PCDH9: variants seen among roughly 807,000 people sequenced by gnomAD.
The protein encoded by PCDH9 is protocadherin-9.
In PCDH9, 24 loss-of-function variants were observed where a neutral mutation model predicts 70.6. The observed-to-expected ratio is 0.34, with a 90% CI of 0.25 to 0.48. PCDH9 has a LOEUF of 0.48. Among genes scored for constraint, PCDH9 ranks in the 20% least tolerant of loss-of-function variants. The probability of loss-of-function intolerance (pLI) is 0.99; values close to 1 mark genes in which losing one functional copy is unlikely to be tolerated. For synonymous variants in PCDH9, 562 were observed against 558.5 expected, an observed-to-expected ratio of 1.01 and a Z score of -0.09; for missense variants, 1,281 against 1,503.6, an observed-to-expected ratio of 0.85 and a Z score of 2.45.
chr13:66,995,470 G>C (rs1197583632), intron 2 of PCDH9, among the ~76,000 whole-genome samples: 3 of 151,692 alleles, frequency 2.0e-5, no homozygotes, highest in South Asian at 2.1e-4. Flanking sequence ...ACCACTAAGG[G>C]AAAAAAACAA....
chr13:66,478,742 A>T lies in PCDH9; in HGVS notation c.3340+152468T>A, dbSNP rs1231156228. On this transcript the variant is annotated intron_variant, in intron 4 of 4. Transcript: ENST00000377865. ...CGCAAAAGAAAAATTTGAAGCTAGCAAGTATTTGCTCATGAGATTTAAGGA... is the reference window on the plus strand; with the variant it reads ...CGCAAAAGAAAAATTTGAAGCTAGCTAGTATTTGCTCATGAGATTTAAGGA... 8.5e-5 allele frequency among the ~76,000 whole-genome samples: 13 copies of T among 152,204 alleles called. 1 individual carries two copies. Among genetic ancestry groups the T allele is most frequent in the Admixed American group, 8.5e-4 (13 of 15,284 alleles).
Position 66,990,199 on chromosome 13 carries a change from C to CTTGT in PCDH9, c.3037-86598_3037-86595dup, listed in dbSNP as rs2083973342. On this transcript the variant is annotated intron_variant, in intron 2 of 4. Transcript: ENST00000377865. ...AACTGGATGAAGCCTAAATAATCAT[C>CTTGT]TTGTATGTCTTTATATCTTGAGTGC... 2.6e-5 allele frequency among the ~76,000 whole-genome samples: 4 copies of CTTGT among 151,800 alleles called. No homozygotes were observed. In the South Asian group the frequency reaches 8.3e-4, roughly 31 times the overall value.
intron 2 of PCDH9, among the ~76,000 whole-genome samples, chr13:67,170,350 G>A (rs2088245232): frequency 6.6e-6 from 1 of 152,112 alleles, no homozygotes; most frequent in South Asian, 2.1e-4. Flanking sequence ...TTCTAACACT[G>A]AGAAATACAT....
At chr13:66,551,547 T>C (rs559584245) in intron 4 of PCDH9, among the ~76,000 whole-genome samples, 1 of 152,282 alleles carries the variant, frequency 6.6e-6, no homozygotes, top group South Asian at 2.1e-4. Context: ...TTTTTTAAAT[T>C]CTCCATATAC....
chr13:66,722,617 T>C (rs904487697), intron 3 of PCDH9, among the ~76,000 whole-genome samples: 2 of 152,050 alleles, frequency 1.3e-5, no homozygotes, highest in Non-Finnish European at 2.9e-5. Context: ...GAATGTGTGA[T>C]TAGTGGGGTA....
At chr13:67,106,626 G>A (rs1185873786) in intron 2 of PCDH9, among the ~76,000 whole-genome samples, 3 of 152,190 alleles carry the variant, frequency 2.0e-5, no homozygotes, top group East Asian at 3.9e-4. Flanking sequence ...TTTGCACTCC[G>A]TGGAGCTAAT....
chr13:66,672,972 T>C, intron 3 of PCDH9, among the ~76,000 whole-genome samples: 1 of 152,160 alleles, frequency 6.6e-6, no homozygotes, highest in Admixed American at 6.5e-5. Flanking sequence ...AATTAAGACT[T>C]TGGACTGTGG....
chr13:66,776,812 G>A lies in PCDH9; in HGVS notation c.3138+126692C>T, dbSNP rs918819043. Among the ~76,000 whole-genome samples, 26 of 142,168 alleles carry A rather than the reference G, an allele frequency of 1.8e-4. No homozygotes were observed. The East Asian group carries it at 2.3e-3, about 12-fold the overall frequency. 93.3% of individuals were successfully genotyped at this position (142,168 alleles called of 152,430 possible). On this transcript the variant is annotated intron_variant, in intron 3 of 4. Transcript: ENST00000377865. ...TTCATATGGAACCAAAAAAGAGCCC[G>A]CATCACCAAGTCAATCCTAAGCCAA...
chr13:66,480,035 C>T (rs568136220), intron 4 of PCDH9, among the ~76,000 whole-genome samples: 6 of 152,298 alleles, frequency 3.9e-5, no homozygotes, highest in South Asian at 2.1e-4. Flanking sequence ...CTGAAACACT[C>T]GCCACGAAGG....
chr13:66,442,663 GT>G (rs1566328410), intron 4 of PCDH9, among the ~76,000 whole-genome samples: 1 of 26,830 alleles, frequency 3.7e-5, no homozygotes, highest in Non-Finnish European at 3.0e-4. Context: ...CCTCCAGTTT[GT>G]TGTTTTTTTT....
At chr13:66,512,249 T>C (rs1959511185) in intron 4 of PCDH9, among the ~76,000 whole-genome samples, 1 of 149,486 alleles carries the variant, frequency 6.7e-6, no homozygotes, top group Admixed American at 6.7e-5. Flanking sequence ...AAAATTAATA[T>C]ATCTAACAAA....
chr13:66,602,223 AT>A lies in PCDH9; in HGVS notation c.3340+28986del, dbSNP rs891562297. ...AAAATAAATCACACACACAAAAAAAATCTCATCATGTTTTAAGAAAGTTTAT... is the reference window on the plus strand; with the variant it reads ...AAAATAAATCACACACACAAAAAAAACTCATCATGTTTTAAGAAAGTTTAT... On this transcript the variant is annotated intron_variant, in intron 4 of 4. Transcript: ENST00000377865. 2.5e-4 allele frequency among the ~76,000 whole-genome samples: 36 copies of A among 146,490 alleles called. 2 individuals carry two copies. Among genetic ancestry groups the A allele is most frequent in the African/African-American group, 8.1e-4 (33 of 40,704 alleles).
At chr13:66,756,857 C>A (rs2079545054) in intron 3 of PCDH9, among the ~76,000 whole-genome samples, 1 of 152,004 alleles carries the variant, frequency 6.6e-6, no homozygotes. Flanking sequence ...TTTTTTGAGA[C>A]AGAGTCCTAG....
intron 2 of PCDH9, among the ~76,000 whole-genome samples, chr13:66,980,561 G>T (rs1037970358): frequency 6.6e-6 from 1 of 151,744 alleles, no homozygotes; most frequent in African/African-American, 2.4e-5. Context: ...TTCTTGATTT[G>T]ATATAAAATT....
chr13:66,538,026 T>C (rs552022727), intron 4 of PCDH9, among the ~76,000 whole-genome samples: 20 of 152,276 alleles, frequency 1.3e-4, no homozygotes, highest in South Asian at 4.2e-4. Flanking sequence ...AGGTAAAATA[T>C]GTTTTTCTTT....
chr13:66,990,047 T>A (rs1440487136), intron 2 of PCDH9, among the ~76,000 whole-genome samples: 1 of 151,884 alleles, frequency 6.6e-6, no homozygotes, highest in Non-Finnish European at 1.5e-5. Flanking sequence ...AACAAAGATA[T>A]TTAAGATGGA....
In PCDH9 at chr13:66,957,863, T is replaced by C. The variant is rs1213372077; in HGVS notation, c.3037-54258A>G. Among the ~76,000 whole-genome samples the C allele has an allele frequency of 2.6e-5, 4 of 152,240 alleles. 1 individual carries two copies. In the East Asian group the frequency reaches 7.7e-4, roughly 29 times the overall value. Reference sequence around the variant, plus strand: ...GTTTTAATCACCCAGTCTGTGGTATTTTGTTTTGGTATCTTGAGGTAACTA... The same window carrying C: ...GTTTTAATCACCCAGTCTGTGGTATCTTGTTTTGGTATCTTGAGGTAACTA... On this transcript the variant is annotated intron_variant, in intron 2 of 4. Coordinates refer to ENST00000377865, the MANE Select transcript of PCDH9 (RefSeq NM_203487.3).
chr13:67,195,613 G>T lies in PCDH9; in HGVS notation c.3036+29792C>A, dbSNP rs113764195. ...TTTGTGCCAACTAGAATGCTTTGGG[G>T]AGAAATTATTCATATTTCTGGGGAT... On this transcript the variant is annotated intron_variant, in intron 2 of 4. Transcript: ENST00000377865. Among the ~76,000 whole-genome samples the T allele has an allele frequency of 7.0e-4, 106 of 152,174 alleles. 1 individual carries two copies. Among genetic ancestry groups the T allele is most frequent in the African/African-American group, 2.5e-3 (102 of 41,506 alleles).
At chr13:66,798,295 T>A (rs1453908586) in intron 3 of PCDH9, among the ~76,000 whole-genome samples, 2 of 152,184 alleles carry the variant, frequency 1.3e-5, no homozygotes, top group East Asian at 3.9e-4. Flanking sequence ...ATAATTTGAT[T>A]TAAAAATATC....
Sources: allele counts gnomAD v4.1 joint callset (sites outside exome capture counted in the v4.1 genomes callset), GRCh38; gene constraint gnomAD v4.1.1; transcripts MANE v1.5; gene names NCBI Gene and HGNC (gene_info 2026-07-23, HGNC 2026-07-21).